SGCZ: variants seen among roughly 807,000 people sequenced by gnomAD.
SGCZ encodes sarcoglycan zeta, also known as zeta-sarcoglycan.
SGCZ carries 40 observed loss-of-function variants against 41.3 expected under a neutral mutation model. The ratio of observed to expected loss-of-function variants is 0.97; its 90% CI spans 0.75 to 1.26. SGCZ has a LOEUF of 1.26. SGCZ is among the 50% of genes most tolerant of loss of function. SGCZ has a pLI of 0.00. For missense variants in SGCZ, 552 were observed against 369.8 expected (o/e 1.49, Z -4.04); for synonymous variants, 206 against 137.5 (o/e 1.50, Z -3.49).
chr8:15,101,154 A>T (rs564595570), intron 1 of SGCZ, among the ~76,000 whole-genome samples: 1 of 152,208 alleles, frequency 6.6e-6, no homozygotes, highest in Non-Finnish European at 1.5e-5. Context: ...CATCTAAAAA[A>T]TAATACAGGA....
intron 1 of SGCZ, among the ~76,000 whole-genome samples, chr8:14,636,553 A>AT (rs1806834448): frequency 6.6e-6 from 1 of 151,950 alleles, no homozygotes; most frequent in Non-Finnish European, 1.5e-5. Context: ...GCTTAGATGA[A>AT]TAGGCTGTCA....
chr8:14,383,091 G>C (rs932287158), intron 2 of SGCZ, among the ~76,000 whole-genome samples: 6 of 152,092 alleles, frequency 3.9e-5, no homozygotes, highest in South Asian at 2.1e-4. Flanking sequence ...AAGAAGAATG[G>C]CATCTGTTGG....
intron 1 of SGCZ, among the ~76,000 whole-genome samples, chr8:14,669,589 C>A (rs535667820): frequency 1.3e-5 from 2 of 151,960 alleles, no homozygotes; most frequent in East Asian, 3.9e-4. Context: ...CTTCTTGTAT[C>A]TGAATTATTT....
At chr8:14,173,811 A>T (rs1021404811) in intron 4 of SGCZ, among the ~76,000 whole-genome samples, 2 of 152,150 alleles carry the variant, frequency 1.3e-5, no homozygotes, top group African/African-American at 2.4e-5. Context: ...CATTTTAAAT[A>T]TAAATGGACA....
chr8:14,961,213 T>A (rs548570784), intron 1 of SGCZ, among the ~76,000 whole-genome samples: 2 of 152,138 alleles, frequency 1.3e-5, no homozygotes, highest in Non-Finnish European at 2.9e-5. Flanking sequence ...ATTTTCTTTT[T>A]ATCAATATTT....
chr8:15,174,827 G>C lies in SGCZ; in HGVS notation c.39+62758C>G, dbSNP rs544449590. Among the ~76,000 whole-genome samples the C allele has an allele frequency of 3.3e-5, 5 of 152,182 alleles. No homozygotes were observed. The South Asian group carries it at 8.3e-4, about 25-fold the overall frequency. ...TACTTTTTTAAACATTAAAATTATT[G>C]GCTATTACTAAAAACATAACACATG... On this transcript the variant is annotated intron_variant, in intron 1 of 7. Coordinates refer to ENST00000382080, the MANE Select transcript of SGCZ (RefSeq NM_139167.4).
At chr8:14,632,757 C>T (rs1806700530) in intron 1 of SGCZ, among the ~76,000 whole-genome samples, 1 of 151,814 alleles carries the variant, frequency 6.6e-6, no homozygotes, top group Admixed American at 6.6e-5. Flanking sequence ...TATTCTATTT[C>T]TATATTGATT....
rs1026562110 is a variant in SGCZ at position 14,522,454 on chromosome 8, G to A, written c.234+32278C>T. On this transcript the variant is annotated intron_variant, in intron 2 of 7. Transcript: ENST00000382080. ...AAATATGCTGTTTCAATTTGGGTGA[G>A]GTATGATAGTTTGAGTTTTTAAAAT... Among the ~76,000 whole-genome samples the A allele has an allele frequency of 2.0e-5, 3 of 151,858 alleles. No homozygotes were observed. In the South Asian group the frequency reaches 6.2e-4, roughly 31 times the overall value.
intron 1 of SGCZ, among the ~76,000 whole-genome samples, chr8:14,885,974 A>G (rs1240065933): frequency 8.0e-6 from 1 of 125,606 alleles, no homozygotes; most frequent in Admixed American, 8.4e-5. Context: ...TTAATCATAA[A>G]GGACTTTATG....
chr8:14,630,012 T>A (rs868601402), intron 1 of SGCZ, among the ~76,000 whole-genome samples: 1 of 152,138 alleles, frequency 6.6e-6, no homozygotes, highest in Non-Finnish European at 1.5e-5. Context: ...CTAGGTCAAA[T>A]ACTTTGTATT....
At chr8:15,163,963 AGGAGG>A (rs1563159981) in intron 1 of SGCZ, among the ~76,000 whole-genome samples, 1 of 152,238 alleles carries the variant, frequency 6.6e-6, no homozygotes, top group Non-Finnish European at 1.5e-5. Context: ...TTACAGGGGA[AGGAGG>A]CTGGCCTCTC....
chr8:15,112,281 G>T (rs1032857999), intron 1 of SGCZ, among the ~76,000 whole-genome samples: 2 of 152,172 alleles, frequency 1.3e-5, no homozygotes, highest in Non-Finnish European at 2.9e-5. Context: ...TTCCCTTCAT[G>T]ATTTGTTGCT....
intron 1 of SGCZ, among the ~76,000 whole-genome samples, chr8:14,941,487 G>C (rs1800273514): frequency 6.6e-6 from 1 of 151,924 alleles, no homozygotes; most frequent in Non-Finnish European, 1.5e-5. Flanking sequence ...AGAGTAACAT[G>C]GATAGTATGT....
chr8:14,110,264 G>C (rs1289554167), intron 5 of SGCZ, among the ~76,000 whole-genome samples: 1 of 152,088 alleles, frequency 6.6e-6, no homozygotes, highest in Non-Finnish European at 1.5e-5. Flanking sequence ...AGAAAAGATA[G>C]TGAAAATTAA....
chr8:14,500,543 C>A (rs117756627), intron 2 of SGCZ, among the ~76,000 whole-genome samples: 173 of 151,202 alleles, frequency 1.1e-3, no homozygotes, highest in South Asian at 3.3e-3. Context: ...TTTCAAGATA[C>A]AGCAAAAAAA....
intron 1 of SGCZ, among the ~76,000 whole-genome samples, chr8:14,647,393 G>T (rs1265894959): frequency 1.3e-5 from 2 of 151,918 alleles, no homozygotes; most frequent in Non-Finnish European, 2.9e-5. Context: ...TTATAAATAG[G>T]AAGAAAAGAC....
At chr8:14,334,054 T>G (rs1013329023) in intron 2 of SGCZ, among the ~76,000 whole-genome samples, 3 of 152,084 alleles carry the variant, frequency 2.0e-5, no homozygotes, top group African/African-American at 7.2e-5. Context: ...TGAATACACC[T>G]CTGTTTTTGC....
chr8:14,689,170 T>G (rs1307515117), intron 1 of SGCZ, among the ~76,000 whole-genome samples: 3 of 152,008 alleles, frequency 2.0e-5, no homozygotes, highest in Non-Finnish European at 4.4e-5. Flanking sequence ...GAGATGAATA[T>G]CAAAAGAAAA....
chr8:15,118,337 G>C (rs1282694405), intron 1 of SGCZ, among the ~76,000 whole-genome samples: 4 of 152,198 alleles, frequency 2.6e-5, no homozygotes, highest in Admixed American at 6.5e-5. Context: ...GGAACTTCCA[G>C]CTAGTCCTTG....
Sources: allele counts gnomAD v4.1 joint callset (sites outside exome capture counted in the v4.1 genomes callset), GRCh38; gene constraint gnomAD v4.1.1; transcripts MANE v1.5; gene names NCBI Gene and HGNC (gene_info 2026-07-23, HGNC 2026-07-21).